The following CASS4 variants were observed in gnomAD, a reference collection of about 807,000 sequenced individuals.
The protein encoded by CASS4 is cas scaffolding protein family member 4.
A neutral mutation model predicts 54.2 loss-of-function variants in CASS4; 22 were observed. That is an observed-to-expected ratio of 0.41 (90% confidence interval 0.29 to 0.58). The LOEUF (loss-of-function observed/expected upper bound fraction) is 0.58. Ranked by LOEUF, CASS4 falls within the 20% of genes least tolerant of loss-of-function variation. CASS4 has a pLI of 0.36. For synonymous variants in CASS4, 409 were observed against 391.5 expected, an observed-to-expected ratio of 1.04 and a Z score of -0.53; for missense variants, 854 against 986.7, an observed-to-expected ratio of 0.87 and a Z score of 1.80.
rs1408054673 is a variant in CASS4, at chr20:56,412,449, C to T, written c.-10C>T. 6.2e-7 allele frequency: 1 copy of T among 1,612,196 alleles called. No individual in the cohort carries two copies. Among genetic ancestry groups the T allele is most frequent in the Non-Finnish European group, 8.5e-7 (1 of 1,179,158 alleles). ...TGCAGAGCTCAGGGGAGCTGCTCCA[C>T]ATCACCGACATGAAGGGAACAGGCA... On this transcript the variant is annotated 5_prime_UTR_variant, in exon 1 of 6. Coordinates refer to ENST00000679887, the MANE Select transcript of CASS4 (RefSeq NM_020356.4). The surrounding 1 kb of genome is among the most constrained non-coding windows in gnomAD (Gnocchi z 4.2).
Position 56,412,308 on chromosome 20 carries a change from CT to C in CASS4, c.-146del. 1.2e-6 allele frequency: 1 copy of C among 838,426 alleles called. No individual in the cohort carries two copies. The highest frequency in any genetic ancestry group is 1.6e-5 in the South Asian group (1 of 62,798). 51.9% of individuals were successfully genotyped at this position (838,426 alleles called of 1,614,324 possible). A position where few individuals can be genotyped will look rare whatever the true frequency, so the allele number is the denominator to read the frequency against. ...CAGAAAGTTTGCCTGCTGGGAGAGT[CT>C]TTTTGATCGTTTCCCATGTGTTGTC... is the stretch of plus-strand genomic sequence containing the variant. On this transcript the variant is annotated 5_prime_UTR_variant, in exon 1 of 6. Transcript: ENST00000679887. The surrounding 1 kb of genome is among the most constrained non-coding windows in gnomAD (Gnocchi z 4.2).
In CASS4 at chr20:56,452,306, C is replaced by T. The variant is rs769333762; in HGVS notation, c.1130C>T (p.Ala377Val). 35 of 1,613,640 alleles carry T rather than the reference C, an allele frequency of 2.2e-5. No individual in the cohort carries two copies. The highest frequency in any genetic ancestry group is 7.7e-5 in the South Asian group (7 of 91,078). The stretch of plus-strand genomic sequence containing the variant: ...GCCAAGGAGGTGTCAGAGAATTCCG[C>T]GGGCCATAATTCCTCATGGTTCTCC... ...EKAKEVSENS[A>V]GHNSSWFSRR... Residue 377 changes from alanine (A) to valine (V), a missense_variant, in exon 5 of 6, where the codon GCG becomes GTG. Coordinates refer to ENST00000679887, the MANE Select transcript of CASS4 (RefSeq NM_020356.4).
intron 1 of CASS4, among the ~76,000 whole-genome samples, chr20:56,418,522 A>G (rs1323356800): frequency 6.6e-6 from 1 of 152,216 alleles, no homozygotes; most frequent in East Asian, 1.9e-4. Context: ...GCTGCTGTGC[A>G]ACAGATGGGC....
At chr20:56,434,491 C>T (rs1193164787) in intron 1 of CASS4, among the ~76,000 whole-genome samples, 1 of 152,154 alleles carries the variant, frequency 6.6e-6, no homozygotes, top group Non-Finnish European at 1.5e-5. Context: ...GGCTGGAATG[C>T]AGTGGCACCA....
intron 1 of CASS4, among the ~76,000 whole-genome samples, chr20:56,416,921 C>T (rs982277381): frequency 2.6e-5 from 4 of 152,218 alleles, no homozygotes; most frequent in African/African-American, 9.7e-5. Flanking sequence ...TTATCTTTCA[C>T]ATTTTAAATT....
At chr20:56,415,495 A>G (rs776591556) in intron 1 of CASS4, among the ~76,000 whole-genome samples, 1 of 152,222 alleles carries the variant, frequency 6.6e-6, no homozygotes, top group Non-Finnish European at 1.5e-5. Context: ...GTAAGTAAAG[A>G]TCTGTTGAGC....
At chr20:56,431,119 AC>A (rs566247213) in intron 1 of CASS4, among the ~76,000 whole-genome samples, 120 of 152,314 alleles carry the variant, frequency 7.9e-4, no homozygotes, top group African/African-American at 2.7e-3. Context: ...AATTTAAGTG[AC>A]CTTGGACAAG....
chr20:56,421,489 C>G (rs1979407656), intron 1 of CASS4, among the ~76,000 whole-genome samples: 1 of 152,048 alleles, frequency 6.6e-6, no homozygotes, highest in Admixed American at 6.6e-5. Flanking sequence ...TTGAGCCCAG[C>G]TGTTGGAGAC....
At chr20:56,448,302 T>C (rs918582243) in intron 3 of CASS4, among the ~76,000 whole-genome samples, 3 of 152,198 alleles carry the variant, frequency 2.0e-5, no homozygotes, top group Admixed American at 2.0e-4. Context: ...AAATATTGCA[T>C]TTTAAATAGT....
At chr20:56,413,832 A>G (rs550513062) in intron 1 of CASS4, among the ~76,000 whole-genome samples, 1 of 152,300 alleles carries the variant, frequency 6.6e-6, no homozygotes, top group East Asian at 1.9e-4. Context: ...TTGGAAAAAT[A>G]TGGGAAGCGT....
intron 2 of CASS4, among the ~76,000 whole-genome samples, 197 bp from the exon 3 acceptor site, chr20:56,445,703 A>G (rs1290984164): frequency 1.3e-5 from 2 of 152,172 alleles, no homozygotes; most frequent in African/African-American, 4.8e-5. Flanking sequence ...ACGTGCGAGG[A>G]AGGCTGCCTC....
upstream of CASS4, chr20:56,412,233 T>C: frequency 1.8e-6 from 1 of 546,772 alleles, no homozygotes; most frequent in Non-Finnish European, 3.2e-6. This position sits in a 1 kb window ranked among gnomAD's most constrained non-coding sequence, Gnocchi z 4.2. Flanking sequence ...GGCTTGTATT[T>C]CTGGTCCTCC....
At chr20:56,441,118 A>C (rs565054350) in intron 2 of CASS4, among the ~76,000 whole-genome samples, 78 of 150,874 alleles carry the variant, frequency 5.2e-4, no homozygotes, top group African/African-American at 1.8e-3. Flanking sequence ...CCTCCCAAGT[A>C]GCTGGGAACA....
chr20:56,446,064 G>T, intron 3 of CASS4, 63 bp downstream of exon 3: 1 of 1,104,026 alleles, frequency 9.1e-7, no homozygotes, highest in South Asian at 1.3e-5. Flanking sequence ...GGGGTTCTTG[G>T]GATCATGCCC....
At position 56,437,697 on chromosome 20, in the gene CASS4, G is replaced by T; in HGVS notation, c.459+111G>T. On this transcript the variant is annotated intron_variant, in intron 2 of 5. Coordinates refer to ENST00000679887, the MANE Select transcript of CASS4 (RefSeq NM_020356.4). This position sits in a 1 kb window ranked among gnomAD's most constrained non-coding sequence, Gnocchi z 4.7. ...TTCAGATCAAACACGCAAAACGGGAGCCCAGATTGCTGGCAATCACGCTCG... is the reference window on the plus strand; with the variant it reads ...TTCAGATCAAACACGCAAAACGGGATCCCAGATTGCTGGCAATCACGCTCG... The T allele has an allele frequency of 9.8e-7, 1 of 1,023,576 alleles. No homozygotes were observed. Among genetic ancestry groups the T allele is most frequent in the Non-Finnish European group, 1.4e-6 (1 of 728,998 alleles). 63.4% of individuals were successfully genotyped at this position (1,023,576 alleles called of 1,614,324 possible).
Position 56,453,123 on chromosome 20 carries a change from T to C in CASS4, c.1947T>C (p.Cys649=), listed in dbSNP as rs768091162. 3.7e-6 allele frequency: 6 copies of C among 1,611,086 alleles called. No homozygotes were observed. Among genetic ancestry groups the C allele is most frequent in the Non-Finnish European group, 5.1e-6 (6 of 1,178,702 alleles). ...TAAAGAAAAATAGGGCAAATATCTG[T>C]GGACAGGTGAGTTCAGAGTTCCAAG... is the stretch of plus-strand genomic sequence containing the variant. ...ELLKKNRANI[C]GQNPGPLIPQ... is the part of the protein sequence containing the mutation. Residue 649 remains cysteine, a synonymous_variant, in exon 5 of 6, where the codon TGT becomes TGC. Coordinates refer to ENST00000679887, the MANE Select transcript of CASS4 (RefSeq NM_020356.4).
chr20:56,456,216 A>T (rs887606004), intron 5 of CASS4, among the ~76,000 whole-genome samples: 5 of 152,058 alleles, frequency 3.3e-5, no homozygotes, highest in Non-Finnish European at 7.3e-5. Flanking sequence ...CACTGCCTAT[A>T]GAAGTCCCTA....
In CASS4 at chr20:56,460,322, GC is replaced by G. The variant is rs111689421; in HGVS notation, c.*1576del. ...GCGGTTTTTGCCGTAGACAGTAATG[GC>G]AAAAACCACAATTGCTTTTGCACCA... On this transcript the variant is annotated 3_prime_UTR_variant, in exon 6 of 6. Coordinates refer to ENST00000679887, the MANE Select transcript of CASS4 (RefSeq NM_020356.4). 228 of 152,154 alleles carry G rather than the reference GC, an allele frequency of 1.5e-3. 1 individual carries two copies. Among genetic ancestry groups the G allele is most frequent in the African/African-American group, 5.3e-3 (219 of 41,376 alleles). 9.4% of individuals were successfully genotyped at this position (152,154 alleles called of 1,614,324 possible). A position where few individuals can be genotyped will look rare whatever the true frequency, so the allele number is the denominator to read the frequency against.
At chr20:56,424,138 G>T (rs553785073) in intron 1 of CASS4, among the ~76,000 whole-genome samples, 16 of 152,228 alleles carry the variant, frequency 1.1e-4, no homozygotes, top group Admixed American at 9.2e-4. Context: ...TATGTGAGAT[G>T]ATGCAAGAAA....
Sources: gnomAD v4.1 joint callset for allele counts (sites outside exome capture counted in the v4.1 genomes callset) on GRCh38, gnomAD v4.1.1 for gene constraint, Gnocchi (gnomAD v3.1) non-coding constraint, MANE v1.5 for transcripts, NCBI Gene and HGNC (gene_info 2026-07-23, HGNC 2026-07-21) for gene names.